The following CCDC141 variants were observed in gnomAD, a reference collection of about 807,000 sequenced individuals.
The protein encoded by CCDC141 is coiled-coil domain containing 141, also known as coiled-coil domain-containing protein 141.
In CCDC141, 168 loss-of-function variants were observed where a neutral mutation model predicts 181.0. That is an observed-to-expected ratio of 0.93 (90% CI 0.82 to 1.05). CCDC141 has a LOEUF of 1.05. CCDC141 is among the 50% of genes least tolerant of loss of function. The pLI, the probability that CCDC141 is intolerant of heterozygous loss-of-function variation, is 0.00. For missense variants in CCDC141, 1,902 were observed against 1,788.5 expected, an observed-to-expected ratio of 1.06 and a Z score of -1.14; for synonymous variants, 666 against 642.3, an observed-to-expected ratio of 1.04 and a Z score of -0.56.
chr2:178,949,873 C>T (rs1418932632), intron 5 of CCDC141, among the ~76,000 whole-genome samples: 1 of 152,230 alleles, frequency 6.6e-6, no homozygotes, highest in Non-Finnish European at 1.5e-5. Context: ...ATAAACAACT[C>T]AGGCGGCAAG....
At chr2:179,028,695 A>T (rs954939344) in intron 2 of CCDC141, among the ~76,000 whole-genome samples, 1 of 152,180 alleles carries the variant, frequency 6.6e-6, no homozygotes, top group Non-Finnish European at 1.5e-5. Context: ...TCTAAAATAT[A>T]TTCTTTATAA....
At chr2:179,009,127 G>A (rs2042192469) in intron 2 of CCDC141, among the ~76,000 whole-genome samples, 1 of 152,174 alleles carries the variant, frequency 6.6e-6, no homozygotes, top group South Asian at 2.1e-4. Context: ...TGCTCAAGCT[G>A]TCTTCCCATC....
intron 3 of CCDC141, among the ~76,000 whole-genome samples, chr2:178,975,942 G>A (rs1316936418): frequency 6.6e-6 from 1 of 152,150 alleles, no homozygotes; most frequent in Non-Finnish European, 1.5e-5. Context: ...AGAATGACAA[G>A]TGAGAAATTT....
chr2:178,828,428 GT>G (rs540479220), downstream of CCDC141, among the ~76,000 whole-genome samples: 47 of 152,244 alleles, frequency 3.1e-4, no homozygotes, highest in Non-Finnish European at 5.4e-4. Context: ...TGTTCTTTGG[GT>G]GGGGAAGCAT....
chr2:179,033,340 G>T (rs2043052867), intron 2 of CCDC141, among the ~76,000 whole-genome samples: 1 of 152,018 alleles, frequency 6.6e-6, no homozygotes, highest in Non-Finnish European at 1.5e-5. Context: ...ATGATTTAAA[G>T]TATAAAGGGG....
intron 4 of CCDC141, among the ~76,000 whole-genome samples, chr2:178,964,615 A>T (rs1294528006): frequency 2.6e-5 from 4 of 152,148 alleles, no homozygotes; most frequent in African/African-American, 4.8e-5. Flanking sequence ...TGCTACCACG[A>T]TGGCTGTTGA....
In CCDC141 at chr2:178,869,154, A is replaced by G. The variant is rs377559893; in HGVS notation, c.2357T>C (p.Leu786Pro). 1.3e-5 allele frequency: 21 copies of G among 1,611,764 alleles called. No homozygotes were observed. The highest frequency in any genetic ancestry group is 4.0e-5 in the African/African-American group (3 of 74,780). ...TTGATGGAACTGGACCACCTTGTAC[A>G]GGATATCCTCGTAATCCTGGATTCT... ...KERIQDYEDILYKVVQFHQVK... is the reference protein window; with the variant it reads ...KERIQDYEDIPYKVVQFHQVK... The change falls in exon 15 of 24, where the codon CTG (leucine) becomes CCG (proline). Residue 786 changes from leucine (L) to proline (P), a missense_variant. Transcript: ENST00000443758.
At chr2:178,850,504 A>G (rs949270694) in intron 20 of CCDC141, among the ~76,000 whole-genome samples, 1 of 152,194 alleles carries the variant, frequency 6.6e-6, no homozygotes, top group African/African-American at 2.4e-5. Flanking sequence ...ATGGCATTCA[A>G]GTCCCTTCCA....
At chr2:178,934,959 A>G (rs189082615) in intron 6 of CCDC141, among the ~76,000 whole-genome samples, 35 of 152,310 alleles carry the variant, frequency 2.3e-4, no homozygotes, top group African/African-American at 8.2e-4. Context: ...CTTACTATTT[A>G]AGGACACATA....
intron 23 of CCDC141, 142 bp downstream of exon 23, chr2:178,836,752 T>C (rs1684490410): frequency 3.6e-6 from 3 of 838,062 alleles, no homozygotes; most frequent in Non-Finnish European, 5.5e-6. Context: ...AGGGGTCTGA[T>C]GTGAGATTGA....
chr2:178,938,161 AGTTT>A (rs2154376540), intron 6 of CCDC141, among the ~76,000 whole-genome samples: 1 of 152,076 alleles, frequency 6.6e-6, no homozygotes, highest in South Asian at 2.1e-4. Flanking sequence ...ATAGGTTGTT[AGTTT>A]GAGATCATTC....
chr2:178,834,207 C>T lies in CCDC141; in HGVS notation c.4559G>A (p.Ser1520Asn), dbSNP rs1413000199. 2 of 1,536,188 alleles carry T rather than the reference C, an allele frequency of 1.3e-6. No homozygotes were observed. Among genetic ancestry groups the T allele is most frequent in the African/African-American group, 2.7e-5 (2 of 73,028 alleles). Reference sequence around the variant, plus strand: ...GAGGAGCCAGTACATTAGGGACACACTAACATAGACGACACACAGGGTTAT... The same window carrying T: ...GAGGAGCCAGTACATTAGGGACACATTAACATAGACGACACACAGGGTTAT... The part of the protein sequence containing the change: ...NWITLCVVYV[S>N]VSLMYWLLTQ Residue 1520 changes from serine (S) to asparagine (N), a missense_variant, in exon 24 of 24, where the codon AGT becomes AAT. Coordinates refer to ENST00000443758, the MANE Select transcript of CCDC141 (RefSeq NM_173648.4).
intron 6 of CCDC141, among the ~76,000 whole-genome samples, chr2:178,939,754 G>A (rs1158732404): frequency 6.6e-6 from 1 of 152,086 alleles, no homozygotes; most frequent in Admixed American, 6.6e-5. Flanking sequence ...TTTTGTGTGT[G>A]TGGTGGAGGG....
At position 178,918,823 on chromosome 2, in the gene CCDC141, G is replaced by A; in HGVS notation, c.982C>T (p.Gln328Ter). 6.4e-7 allele frequency: 1 copy of A among 1,550,550 alleles called. No individual in the cohort carries two copies. The highest frequency in any genetic ancestry group is 8.7e-7 in the Non-Finnish European group (1 of 1,146,944). ...TGACTGAGTTTCTGGTGAGAGAGCT[G>A]GAGGTGTTCTTTCTCCACGTAGTCC... is the stretch of plus-strand genomic sequence containing the variant. ...SKDYVEKEHLQLSHQKLSQLQ... is the reference protein window; with the variant it reads ...SKDYVEKEHL The change falls in exon 7 of 24, where the codon CAG (glutamine) becomes TAG (stop). Residue 328 changes from glutamine to a stop codon, truncating the protein, a stop_gained. Transcript: ENST00000443758. LOFTEE classifies it high-confidence loss of function.
In CCDC141 at chr2:179,036,934, T is replaced by C. The variant is rs1373139002; in HGVS notation, c.225+10350A>G. On this transcript the variant is annotated intron_variant, in intron 2 of 23. Transcript: ENST00000443758. ...TCAGGGTGAGGGAAGGATAAGAATA[T>C]ATGCTGTTATTACTGGTAAAGCTGG... Among the ~76,000 whole-genome samples, 10 of 152,364 alleles carry C rather than the reference T, an allele frequency of 6.6e-5. No homozygotes were observed. The East Asian group carries it at 1.9e-3, about 29-fold the overall frequency.
chr2:179,049,294 A>T (rs73973201), intron 1 of CCDC141, among the ~76,000 whole-genome samples: 1 of 152,258 alleles, frequency 6.6e-6, no homozygotes, highest in African/African-American at 2.4e-5. Context: ...CTGGACAAGG[A>T]TTTAGTAGTT....
At chr2:178,901,272 C>T (rs1687674471) in intron 8 of CCDC141, among the ~76,000 whole-genome samples, 1 of 152,090 alleles carries the variant, frequency 6.6e-6, no homozygotes, top group Admixed American at 6.6e-5. Context: ...CAGCATCATC[C>T]TGATACCAAA....
Position 178,837,045 on chromosome 2 carries a change from T to A in CCDC141, c.4174A>T (p.Ile1392Phe), listed in dbSNP as rs1275066432. Reference sequence around the variant, plus strand: ...CTGCTCTTTGCTGATGTGCTTTTAATCTCTTCTCGAGGAACCATTTGCCTC... The same window carrying A: ...CTGCTCTTTGCTGATGTGCTTTTAAACTCTTCTCGAGGAACCATTTGCCTC... ...YQRQMVPREE[I>F]KSTSAKSSVV... The change falls in exon 23 of 24, where the codon ATT (isoleucine) becomes TTT (phenylalanine). Residue 1392 changes from isoleucine to phenylalanine, a missense_variant. Physicochemically the swap from Ile to Phe is conservative, Grantham distance 21 (BLOSUM62 0). Transcript: ENST00000443758. 1 of 1,614,024 alleles carries A rather than the reference T, an allele frequency of 6.2e-7. No homozygotes were observed. The highest frequency in any genetic ancestry group is 8.5e-7 in the Non-Finnish European group (1 of 1,179,946).
At chr2:179,037,511 G>A (rs1032745335) in intron 2 of CCDC141, among the ~76,000 whole-genome samples, 2 of 152,240 alleles carry the variant, frequency 1.3e-5, no homozygotes, top group South Asian at 2.1e-4. Flanking sequence ...TTCGAGTCAC[G>A]CAGCTTTGGA....
Sources: allele counts gnomAD v4.1 joint callset (sites outside exome capture counted in the v4.1 genomes callset), GRCh38; gene constraint gnomAD v4.1.1; transcripts MANE v1.5; gene names NCBI Gene and HGNC (gene_info 2026-07-23, HGNC 2026-07-21).